The following PCDHGA10 variants were observed in gnomAD, a reference collection of about 807,000 sequenced individuals.
The protein encoded by PCDHGA10 is protocadherin gamma subfamily A, 10.
A neutral mutation model predicts 59.5 loss-of-function variants in PCDHGA10; 42 were observed. The observed-to-expected ratio is 0.71, with a 90% CI of 0.55 to 0.91. The LOEUF is 0.91. Ranked by LOEUF, PCDHGA10 falls within the 40% of genes least tolerant of loss-of-function variation. The pLI is 0.00. For synonymous variants in PCDHGA10, 511 were observed against 517.2 expected, an observed-to-expected ratio of 0.99 and a Z score of 0.16; for missense variants, 1,111 against 1,198.2, an observed-to-expected ratio of 0.93 and a Z score of 1.07.
intron 1 of PCDHGA10, chr5:141,428,109 G>A: frequency 1.2e-6 from 2 of 1,607,850 alleles, no homozygotes; most frequent in Non-Finnish European, 1.7e-6. Context: ...CGTGCTGCAG[G>A]CCATCGAGCC....
intron 1 of PCDHGA10, among the ~76,000 whole-genome samples, chr5:141,451,873 C>A (rs1425706652): frequency 1.3e-5 from 2 of 151,830 alleles, no homozygotes; most frequent in East Asian, 3.9e-4. Context: ...AGAATGAAAC[C>A]CTGTCAAGAA....
intron 1 of PCDHGA10, chr5:141,418,640 A>G (rs1042874136): frequency 1.2e-6 from 2 of 1,614,042 alleles, no homozygotes; most frequent in Non-Finnish European, 1.7e-6. Flanking sequence ...AGGCACCTCC[A>G]TCCTGAGAGT....
Position 141,486,407 on chromosome 5 carries a change from C to T in PCDHGA10, c.2437-8400C>T. The T allele has an allele frequency of 6.2e-7, 1 of 1,614,134 alleles. No individual in the cohort carries two copies. Among genetic ancestry groups the T allele is most frequent in the African/African-American group, 1.3e-5 (1 of 75,046 alleles). ...CCAGTTCTCCCTGGTGACTGCTGGA[C>T]CCTTGGATCGAGAGGCCAAATCTAG... On this transcript the variant is annotated intron_variant, in intron 1 of 3. Coordinates refer to ENST00000398610, the MANE Select transcript of PCDHGA10 (RefSeq NM_018913.3). This position sits in a 1 kb window ranked among gnomAD's most constrained non-coding sequence, Gnocchi z 5.0.
chr5:141,462,418 T>A (rs1187388192), intron 1 of PCDHGA10, among the ~76,000 whole-genome samples: 2 of 152,250 alleles, frequency 1.3e-5, no homozygotes, highest in African/African-American at 2.4e-5. Context: ...ATATGGTCTA[T>A]CTTGGTGAGT....
At chr5:141,478,812 A>G (rs952753762) in intron 1 of PCDHGA10, 16 of 1,453,436 alleles carry the variant, frequency 1.1e-5, no homozygotes, top group Non-Finnish European at 1.4e-5. Flanking sequence ...TTGCTATCAC[A>G]ACTAACCAAT....
At chr5:141,484,707 G>C (rs1288663675) in intron 1 of PCDHGA10, among the ~76,000 whole-genome samples, 1 of 151,802 alleles carries the variant, frequency 6.6e-6, no homozygotes. Flanking sequence ...TGTTTTCCCC[G>C]CCGAAAAGGG....
chr5:141,497,954 G>A (rs1203635313), intron 2 of PCDHGA10, among the ~76,000 whole-genome samples: 7 of 152,198 alleles, frequency 4.6e-5, no homozygotes, highest in Non-Finnish European at 1.5e-5. Context: ...CTTTCTGTTG[G>A]CCAGGCAGTG....
intron 1 of PCDHGA10, among the ~76,000 whole-genome samples, chr5:141,474,862 T>C (rs1281140736): frequency 6.6e-6 from 1 of 152,264 alleles, no homozygotes; most frequent in Non-Finnish European, 1.5e-5. Context: ...CTTCATTTAA[T>C]AGGATAGGAG....
At chr5:141,423,228 CA>C in intron 1 of PCDHGA10, 1 of 1,613,866 alleles carries the variant, frequency 6.2e-7, no homozygotes, top group Non-Finnish European at 8.5e-7. Flanking sequence ...CTGTGGCCGA[CA>C]GCATCCCCGA....
In PCDHGA10 at chr5:141,413,257, T is replaced by A. The variant is rs777964429; in HGVS notation, c.82T>A (p.Trp28Arg). 1 of 1,613,836 alleles carries A rather than the reference T, an allele frequency of 6.2e-7. No individual in the cohort carries two copies. The highest frequency in any genetic ancestry group is 1.3e-5 in the African/African-American group (1 of 74,950). ...GCTCTGCCTTTTCTTCGGGATTCCA[T>A]GGGAGGCTGGAGCCCGGCAGATCTC... ...VLLCLFFGIP[W>R]EAGARQISYS... Residue 28 changes from tryptophan to arginine, a missense_variant, in exon 1 of 4, where the codon TGG becomes AGG. Physicochemically the swap from Trp to Arg is moderately radical, Grantham distance 101. Coordinates refer to ENST00000398610, the MANE Select transcript of PCDHGA10 (RefSeq NM_018913.3).
At chr5:141,468,415 G>A (rs1040067190) in intron 1 of PCDHGA10, 5 of 151,704 alleles carry the variant, frequency 3.3e-5, no homozygotes, top group Non-Finnish European at 7.4e-5. Context: ...TAATAAGTTA[G>A]ATAGCAAGGT....
At chr5:141,419,210 GTTT>G in intron 1 of PCDHGA10, 1 of 1,613,926 alleles carries the variant, frequency 6.2e-7, no homozygotes, top group East Asian at 2.2e-5. Flanking sequence ...CAACGCGCCG[GTTT>G]TCGGACAGTC....
intron 1 of PCDHGA10, chr5:141,428,009 A>G (rs778602169): frequency 3.7e-6 from 6 of 1,602,358 alleles, no homozygotes; most frequent in African/African-American, 2.7e-5. Context: ...TCTTCGATAT[A>G]GTGCCACGCG....
intron 2 of PCDHGA10, among the ~76,000 whole-genome samples, chr5:141,497,213 G>A (rs1313220474): frequency 6.6e-6 from 1 of 152,126 alleles, no homozygotes; most frequent in Non-Finnish European, 1.5e-5. Flanking sequence ...GTGTAATGGG[G>A]GGGGGAAGAT....
chr5:141,477,765 A>C lies in PCDHGA10; in HGVS notation c.2437-17042A>C, dbSNP rs752391870. The C allele has an allele frequency of 6.2e-7, 1 of 1,614,026 alleles. No individual in the cohort carries two copies. Among genetic ancestry groups the C allele is most frequent in the Non-Finnish European group, 8.5e-7 (1 of 1,180,036 alleles). Reference sequence around the variant, plus strand: ...GGGGGCACCCCGGTCCTAGCCACCAACATCAGCGTGAACATATTTGTCACT... The same window carrying C: ...GGGGGCACCCCGGTCCTAGCCACCACCATCAGCGTGAACATATTTGTCACT... On this transcript the variant is annotated intron_variant, in intron 1 of 3. Coordinates refer to ENST00000398610, the MANE Select transcript of PCDHGA10 (RefSeq NM_018913.3). The surrounding 1 kb of genome is among the most constrained non-coding windows in gnomAD (Gnocchi z 4.9).
rs1328476453 is a variant in PCDHGA10, at chr5:141,431,444, C to T, written c.2436+15833C>T. 4.3e-6 allele frequency: 7 copies of T among 1,613,732 alleles called. No homozygotes were observed. The highest frequency in any genetic ancestry group is 5.9e-6 in the Non-Finnish European group (7 of 1,180,022). On this transcript the variant is annotated intron_variant, in intron 1 of 3. Transcript: ENST00000398610. The surrounding 1 kb of genome is among the most constrained non-coding windows in gnomAD (Gnocchi z 4.8). ...GGTGCGCACAGGCACCGCGCGCATCCGCGTGATGGTTCTGGATGCGAACGA... is the reference window on the plus strand; with the variant it reads ...GGTGCGCACAGGCACCGCGCGCATCTGCGTGATGGTTCTGGATGCGAACGA...
intron 1 of PCDHGA10, chr5:141,479,417 T>A (rs2099495481): frequency 6.6e-6 from 1 of 152,210 alleles, no homozygotes; most frequent in Non-Finnish European, 1.5e-5. Context: ...ACTATGCTGA[T>A]CAATTGATCA....
chr5:141,478,878 T>C (rs946127535), intron 1 of PCDHGA10: 8 of 1,250,076 alleles, frequency 6.4e-6, no homozygotes, highest in Non-Finnish European at 8.6e-6. Context: ...GAGTTTAGCT[T>C]GGTATCATTT....
chr5:141,492,499 C>T (rs2099741220), intron 1 of PCDHGA10, among the ~76,000 whole-genome samples: 1 of 152,198 alleles, frequency 6.6e-6, no homozygotes. Context: ...GGCGAGGACT[C>T]CGGAGCCTCC....
Sources: gnomAD v4.1 joint callset for allele counts (sites outside exome capture counted in the v4.1 genomes callset) on GRCh38, gnomAD v4.1.1 for gene constraint, Gnocchi (gnomAD v3.1) non-coding constraint, MANE v1.5 for transcripts, NCBI Gene and HGNC (gene_info 2026-07-23, HGNC 2026-07-21) for gene names.